The following HEATR5A variants were observed in gnomAD, a reference collection of about 807,000 sequenced individuals.
HEATR5A encodes HEAT repeat containing 5A.
A neutral mutation model predicts 218.8 loss-of-function variants in HEATR5A; 178 were observed. The observed-to-expected ratio is 0.81, with a 90% confidence interval of 0.72 to 0.92. The LOEUF (loss-of-function observed/expected upper bound fraction) is 0.92, where lower values mean the gene tolerates loss of function less well. HEATR5A is among the 40% of genes least tolerant of loss of function. The probability of loss-of-function intolerance (pLI) is 0.00; values close to 1 mark genes in which losing one functional copy is unlikely to be tolerated. For missense variants in HEATR5A, 2,420 were observed against 2,418.9 expected (o/e 1.00, Z -0.01); for synonymous variants, 864 against 871.6 (o/e 0.99, Z 0.15).
At chr14:31,363,884 G>A (rs746931127) in intron 14 of HEATR5A, among the ~76,000 whole-genome samples, 47 of 152,202 alleles carry the variant, frequency 3.1e-4, no homozygotes, top group Middle Eastern at 3.4e-3. Flanking sequence ...GGAGGCTGAG[G>A]TTGGAGGGTC....
chr14:31,412,453 C>T (rs2031307547), intron 1 of HEATR5A, among the ~76,000 whole-genome samples: 1 of 147,934 alleles, frequency 6.8e-6, no homozygotes, highest in African/African-American at 2.5e-5. Flanking sequence ...ATTAGCTGGG[C>T]GTGGTGGCAC....
chr14:31,358,930 G>T lies in HEATR5A; in HGVS notation c.2199C>A (p.Phe733Leu). The T allele has an allele frequency of 6.3e-7, 1 of 1,593,796 alleles. No individual in the cohort carries two copies. Among genetic ancestry groups the T allele is most frequent in the Non-Finnish European group, 8.5e-7 (1 of 1,175,008 alleles). Reference protein sequence around the residue: ...HQDDLLILSPFLQETDHRFIE... With the variant: ...HQDDLLILSPLLQETDHRFIE... ...TAAATCTATGGTCAGTCTCTTGTAG[G>T]AAAGGACTTAGTATCAAAAGATCAT... is the stretch of plus-strand genomic sequence containing the variant. Residue 733 changes from phenylalanine (F) to leucine (L), a missense_variant, in exon 15 of 36, where the codon TTC becomes TTA. Coordinates refer to ENST00000543095, the MANE Select transcript of HEATR5A (RefSeq NM_015473.4).
intron 10 of HEATR5A, among the ~76,000 whole-genome samples, chr14:31,382,147 A>C (rs1048516730): frequency 6.6e-6 from 1 of 152,252 alleles, no homozygotes; most frequent in African/African-American, 2.4e-5. Context: ...GGGAATGGGA[A>C]CCTTGTCTGA....
intron 14 of HEATR5A, among the ~76,000 whole-genome samples, chr14:31,362,628 A>AC (rs1901661651): frequency 1.3e-5 from 2 of 149,726 alleles, no homozygotes; most frequent in Admixed American, 1.3e-4. Flanking sequence ...AAAAAAAAAA[A>AC]AAACTAGCTG....
chr14:31,380,524 G>A lies in HEATR5A; in HGVS notation c.1651C>T (p.Leu551Phe). Reference protein sequence around the residue: ...LLCSAAQNSRLSAQRTQAGWL... With the variant: ...LLCSAAQNSRFSAQRTQAGWL... ...CCAGCTTGTGTGCGCTGAGCTGAAA[G>A]GCGACTGTTTTGAGCAGCAGAACAC... The change falls in exon 11 of 36, where the codon CTT becomes TTT. Residue 551 changes from leucine to phenylalanine, a missense_variant. Leu to Phe is a conservative substitution (Grantham distance 22). Transcript: ENST00000543095. 6.2e-7 allele frequency: 1 copy of A among 1,608,866 alleles called. No individual in the cohort carries two copies. Among genetic ancestry groups the A allele is most frequent in the Non-Finnish European group, 8.5e-7 (1 of 1,177,568 alleles).
Position 31,400,505 on chromosome 14 carries a change from A to ACAT in HEATR5A, c.131_133dup (p.Asp44dup), listed in dbSNP as rs1479536194. ...AACAAGAGTCTTCTGTTTCTCCCTTACATCATTCTAGAAAGAAAGATAACA... is the reference window on the plus strand; with the variant it reads ...AACAAGAGTCTTCTGTTTCTCCCTTACATCATCATTCTAGAAAGAAAGATAACA... On this transcript the variant is annotated inframe_insertion, in exon 3 of 36. Transcript: ENST00000543095. The ACAT allele has an allele frequency of 1.3e-6, 2 of 1,529,002 alleles. No individual in the cohort carries two copies. The highest frequency in any genetic ancestry group is 8.8e-7 in the Non-Finnish European group (1 of 1,141,946). The allele number at this position is 1,529,002 out of a possible 1,614,324, so 94.7% of individuals were successfully genotyped here.
intron 4 of HEATR5A, among the ~76,000 whole-genome samples, chr14:31,396,528 T>G (rs1306297143): frequency 6.6e-6 from 1 of 152,184 alleles, no homozygotes; most frequent in Non-Finnish European, 1.5e-5. Flanking sequence ...TCCCAGGAAG[T>G]TGGGCCACTG....
intron 12 of HEATR5A, among the ~76,000 whole-genome samples, chr14:31,373,595 T>A (rs146731115): frequency 9.7e-4 from 148 of 152,306 alleles, no homozygotes; most frequent in Middle Eastern, 3.4e-3. Flanking sequence ...CCTCCCAAAG[T>A]GCTGAGATTA....
intron 1 of HEATR5A, among the ~76,000 whole-genome samples, chr14:31,413,187 AT>A (rs1232503813): frequency 6.6e-5 from 10 of 152,180 alleles, no homozygotes. Flanking sequence ...CCACTGCATA[AT>A]ACAAAGCAAT....
chr14:31,398,752 T>G lies in HEATR5A; in HGVS notation c.368A>C (p.Tyr123Ser). 6.5e-7 allele frequency: 1 copy of G among 1,531,982 alleles called. No individual in the cohort carries two copies. Among genetic ancestry groups the G allele is most frequent in the South Asian group, 1.2e-5 (1 of 83,918 alleles). The allele number at this position is 1,531,982 out of a possible 1,614,324, so 94.9% of individuals were successfully genotyped here. The change falls in exon 4 of 36, where the codon TAC (tyrosine) becomes TCC (serine). Residue 123 changes from tyrosine (Y) to serine (S), a missense_variant. Physicochemically the swap from Tyr to Ser is moderately radical, Grantham distance 144. Transcript: ENST00000543095. Reference protein sequence around the residue: ...LAAVVCLGSLYKKLGRILGNT... With the variant: ...LAAVVCLGSLSKKLGRILGNT... ...ACCCAGTATTCTACCCAACTTCTTG[T>G]ACAAGGAACCCAAACATACCACAGC...
At chr14:31,341,989 T>A (rs901582950) in intron 21 of HEATR5A, among the ~76,000 whole-genome samples, 1 of 152,088 alleles carries the variant, frequency 6.6e-6, no homozygotes, top group African/African-American at 2.4e-5. Context: ...ACAGGTAAAA[T>A]CCTTTTCCTG....
chr14:31,369,575 C>T (rs764986691), intron 13 of HEATR5A, among the ~76,000 whole-genome samples: 9 of 131,214 alleles, frequency 6.9e-5, no homozygotes, highest in South Asian at 2.5e-4. Context: ...CACACAAATG[C>T]ACTCCAGCCT....
At chr14:31,313,234 G>C (rs766008405) in intron 27 of HEATR5A, 44 bp from the exon 28 acceptor site, 25 of 1,442,826 alleles carry the variant, frequency 1.7e-5, no homozygotes, top group Non-Finnish European at 2.3e-5. Context: ...TTTATCTGCT[G>C]AAAAGGTGCT....
intron 27 of HEATR5A, among the ~76,000 whole-genome samples, chr14:31,314,455 C>T (rs2139153098): frequency 6.6e-6 from 1 of 152,000 alleles, no homozygotes; most frequent in Non-Finnish European, 1.5e-5. Flanking sequence ...CGGGGTTTCT[C>T]CATGTTGGTC....
intron 20 of HEATR5A, 67 bp downstream of exon 20, chr14:31,345,020 A>G: frequency 1.5e-6 from 2 of 1,327,352 alleles, no homozygotes; most frequent in Non-Finnish European, 2.1e-6. Flanking sequence ...CATACAGACT[A>G]GGAACTGAAT....
intron 5 of HEATR5A, 138 bp from the exon 6 acceptor site, chr14:31,394,364 TA>T (rs1414212126): frequency 6.2e-6 from 3 of 484,020 alleles, no homozygotes; most frequent in African/African-American, 6.0e-5. Flanking sequence ...ACAGGAATAA[TA>T]AATGGATACT....
intron 16 of HEATR5A, among the ~76,000 whole-genome samples, chr14:31,352,187 CTT>C (rs1842167783): frequency 6.6e-6 from 1 of 152,300 alleles, no homozygotes; most frequent in Non-Finnish European, 1.5e-5. Context: ...CATTTTCCCT[CTT>C]TTCTCCCTTT....
Position 31,392,264 on chromosome 14 carries a change from T to C in HEATR5A, c.772+1788A>G, listed in dbSNP as rs549364695. On this transcript the variant is annotated intron_variant, in intron 6 of 35. Coordinates refer to ENST00000543095, the MANE Select transcript of HEATR5A (RefSeq NM_015473.4). ...GCACAATGTAAGTCTGCCACATTTT[T>C]CCACTGTAAAATTATCATTTATAAT... Among the ~76,000 whole-genome samples the C allele has an allele frequency of 9.9e-5, 15 of 152,244 alleles. No homozygotes were observed. The East Asian group carries it at 2.7e-3, about 27-fold the overall frequency.
At chr14:31,326,529 A>T (rs1416322390) in intron 22 of HEATR5A, among the ~76,000 whole-genome samples, 187 bp from the exon 23 acceptor site, 2 of 152,326 alleles carry the variant, frequency 1.3e-5, no homozygotes, top group East Asian at 3.9e-4. Context: ...TTATGATCCT[A>T]TATAGCAGTA....
Sources: gnomAD v4.1 joint callset for allele counts (sites outside exome capture counted in the v4.1 genomes callset) on GRCh38, gnomAD v4.1.1 for gene constraint, MANE v1.5 for transcripts, NCBI Gene and HGNC (gene_info 2026-07-23, HGNC 2026-07-21) for gene names.